SMURF2: variants seen among roughly 807,000 people sequenced by gnomAD.
SMURF2 encodes the protein E3 ubiquitin-protein ligase SMURF2.
SMURF2 carries 48 observed loss-of-function variants against 109.6 expected under a neutral mutation model. The ratio of observed to expected loss-of-function variants is 0.44; its 90% CI spans 0.35 to 0.56. The LOEUF is 0.56. Among genes scored for constraint, SMURF2 ranks in the 20% least tolerant of loss-of-function variants. SMURF2 has a pLI of 0.01. For missense variants in SMURF2, 575 were observed against 909.0 expected, an observed-to-expected ratio of 0.63 and a Z score of 4.72; for synonymous variants, 288 against 317.1, an observed-to-expected ratio of 0.91 and a Z score of 0.97.
intron 11 of SMURF2, among the ~76,000 whole-genome samples, chr17:64,562,381 ATT>A (rs554359318): frequency 2.9e-5 from 4 of 138,644 alleles, no homozygotes; most frequent in Non-Finnish European, 3.1e-5. Context: ...TTAACTTCTA[ATT>A]TTTTTTTTTT....
chr17:64,569,257 C>T (rs1193916139), intron 10 of SMURF2, among the ~76,000 whole-genome samples: 2 of 151,474 alleles, frequency 1.3e-5, no homozygotes, highest in African/African-American at 2.4e-5. Context: ...GCTGAGATCA[C>T]GCCATTGTAC....
intron 1 of SMURF2, among the ~76,000 whole-genome samples, chr17:64,628,783 C>A (rs1393370689): frequency 1.3e-5 from 2 of 152,148 alleles, no homozygotes; most frequent in Non-Finnish European, 2.9e-5. Flanking sequence ...GAAAGCTCAG[C>A]CTTTAACTCA....
At chr17:64,661,484 G>C (rs1475269492) in intron 1 of SMURF2, among the ~76,000 whole-genome samples, 1 of 151,992 alleles carries the variant, frequency 6.6e-6, no homozygotes, top group Non-Finnish European at 1.5e-5. Context: ...TCCCCTTCAC[G>C]ATCTCACCTG....
intron 1 of SMURF2, among the ~76,000 whole-genome samples, chr17:64,610,978 C>T (rs974016180): frequency 1.3e-5 from 2 of 152,184 alleles, no homozygotes; most frequent in African/African-American, 4.8e-5. Flanking sequence ...TGACTACTCC[C>T]TCTTCTAGAA....
At chr17:64,579,974 A>G (rs1969556237) in intron 8 of SMURF2, among the ~76,000 whole-genome samples, 1 of 152,228 alleles carries the variant, frequency 6.6e-6, no homozygotes, top group East Asian at 1.9e-4. Flanking sequence ...CTAAAATAAG[A>G]ATCATGCATT....
intron 14 of SMURF2, among the ~76,000 whole-genome samples, chr17:64,555,330 T>C (rs1555683950): frequency 6.6e-6 from 1 of 152,204 alleles, no homozygotes; most frequent in Non-Finnish European, 1.5e-5. Context: ...TGCCTGTGTA[T>C]CCCTAGTGAG....
intron 1 of SMURF2, among the ~76,000 whole-genome samples, chr17:64,643,207 G>A (rs781978555): frequency 6.6e-6 from 1 of 151,932 alleles, no homozygotes; most frequent in Non-Finnish European, 1.5e-5. Flanking sequence ...TTTTTTGGTA[G>A]AGTCGGAGTT....
At chr17:64,568,499 T>A (rs1969348472) in intron 10 of SMURF2, among the ~76,000 whole-genome samples, 1 of 152,188 alleles carries the variant, frequency 6.6e-6, no homozygotes, top group Non-Finnish European at 1.5e-5. Flanking sequence ...TGTACATTTG[T>A]CAAGTACTTT....
chr17:64,555,445 A>G (rs1414891607), intron 14 of SMURF2, among the ~76,000 whole-genome samples: 1 of 152,250 alleles, frequency 6.6e-6, no homozygotes, highest in Non-Finnish European at 1.5e-5. Context: ...TTCAACAATT[A>G]GTTCTTATTC....
intron 1 of SMURF2, among the ~76,000 whole-genome samples, chr17:64,619,180 A>G (rs782053320): frequency 2.0e-5 from 3 of 152,148 alleles, no homozygotes; most frequent in Non-Finnish European, 4.4e-5. Context: ...GGTTGCAAAC[A>G]CATTAAAAAA....
rs1432544098 is a variant in SMURF2, at chr17:64,545,102, G to A, written c.*746C>T. ...TTTTAAAAGAGTCTCTTAAAAACAG[G>A]GAGCCCCTGAACACATCTTATTGTC... is the stretch of plus-strand genomic sequence containing the variant. On this transcript the variant is annotated 3_prime_UTR_variant, in exon 19 of 19. Coordinates refer to ENST00000262435, the MANE Select transcript of SMURF2 (RefSeq NM_022739.4). The A allele has an allele frequency of 6.6e-6, 1 of 151,674 alleles. No homozygotes were observed. Among genetic ancestry groups the A allele is most frequent in the African/African-American group, 2.4e-5 (1 of 41,162 alleles). 9.4% of individuals were successfully genotyped at this position (151,674 alleles called of 1,614,324 possible). A position where few individuals can be genotyped will look rare whatever the true frequency, so the allele number is the denominator to read the frequency against.
intron 12 of SMURF2, among the ~76,000 whole-genome samples, chr17:64,559,290 G>A (rs1217654310): frequency 2.6e-5 from 4 of 152,076 alleles, no homozygotes; most frequent in African/African-American, 9.7e-5. Context: ...CCTGACAGTA[G>A]TAAGGTTAAA....
chr17:64,553,235 G>A (rs932555205), intron 15 of SMURF2, among the ~76,000 whole-genome samples: 2 of 151,878 alleles, frequency 1.3e-5, no homozygotes, highest in Admixed American at 1.3e-4. Context: ...AGCCAGGCAC[G>A]GTGGCTTACA....
At chr17:64,567,205 G>C (rs1172490202) in intron 10 of SMURF2, among the ~76,000 whole-genome samples, 4 of 152,100 alleles carry the variant, frequency 2.6e-5, no homozygotes, top group Admixed American at 6.5e-5. Context: ...ATATTGAAGA[G>C]AGGAACAAAT....
At chr17:64,611,683 C>T (rs1019342653) in intron 1 of SMURF2, among the ~76,000 whole-genome samples, 14 of 152,310 alleles carry the variant, frequency 9.2e-5, no homozygotes, top group Admixed American at 3.9e-4. Flanking sequence ...GTAATTACAA[C>T]ATTCCCCTGC....
intron 12 of SMURF2, among the ~76,000 whole-genome samples, chr17:64,558,221 G>A (rs549406618): frequency 3.3e-5 from 5 of 152,200 alleles, no homozygotes; most frequent in Admixed American, 6.5e-5. Context: ...GCAACAAGGC[G>A]AAATCCCATC....
intron 1 of SMURF2, among the ~76,000 whole-genome samples, chr17:64,638,669 A>C (rs1175474010): frequency 6.6e-6 from 1 of 152,240 alleles, no homozygotes; most frequent in Non-Finnish European, 1.5e-5. Context: ...GGCTTTTGAC[A>C]TCAAACCTTG....
At chr17:64,591,214 A>G (rs771591544) in intron 4 of SMURF2, 65 bp from the exon 5 acceptor site, 70 of 1,168,134 alleles carry the variant, frequency 6.0e-5, no homozygotes, top group Non-Finnish European at 7.6e-5. Flanking sequence ...TAACATCTAT[A>G]GAGTGACAAT....
intron 1 of SMURF2, among the ~76,000 whole-genome samples, chr17:64,655,677 A>G (rs569288144): frequency 6.6e-6 from 1 of 152,256 alleles, no homozygotes; most frequent in African/African-American, 2.4e-5. Flanking sequence ...ACTTGAGGTC[A>G]GGAGTTCGAG....
Sources: gnomAD v4.1 joint callset for allele counts (sites outside exome capture counted in the v4.1 genomes callset) on GRCh38, gnomAD v4.1.1 for gene constraint, MANE v1.5 for transcripts, NCBI Gene and HGNC (gene_info 2026-07-23, HGNC 2026-07-21) for gene names.